Variants in DNAH6 observed in about 807,000 individuals in gnomAD.
DNAH6 encodes the protein dynein axonemal heavy chain 6, also known as axonemal beta dynein heavy chain 6.
A neutral mutation model predicts 491.4 loss-of-function variants in DNAH6; 340 were observed. The ratio of observed to expected loss-of-function variants is 0.69; its 90% CI spans 0.63 to 0.76. DNAH6 has a LOEUF of 0.76. Ranked by LOEUF, DNAH6 falls within the 30% of genes least tolerant of loss-of-function variation. DNAH6 has a pLI of 0.00. For missense variants in DNAH6, 4,443 were observed against 4,972.2 expected, an observed-to-expected ratio of 0.89 and a Z score of 3.20; for synonymous variants, 1,603 against 1,686.1, an observed-to-expected ratio of 0.95 and a Z score of 1.21.
chr2:84,630,046 A>C (rs184690980), intron 29 of DNAH6, among the ~76,000 whole-genome samples: 59 of 152,352 alleles, frequency 3.9e-4, no homozygotes, highest in Admixed American at 2.2e-3. Flanking sequence ...GTTTCCAGGG[A>C]AACAACTTAT....
chr2:84,757,337 C>T (rs1674130121), intron 63 of DNAH6, among the ~76,000 whole-genome samples: 1 of 152,206 alleles, frequency 6.6e-6, no homozygotes, highest in Admixed American at 6.5e-5. Context: ...GTTAAGTCCA[C>T]TGCAAGTGCA....
chr2:84,670,945 C>A (rs1692685375), intron 39 of DNAH6, among the ~76,000 whole-genome samples: 1 of 152,132 alleles, frequency 6.6e-6, no homozygotes, highest in South Asian at 2.1e-4. Context: ...TGGTCACCTT[C>A]AGACATTTGG....
At chr2:84,482,687 G>A in the DNAH6 span, among the ~76,000 whole-genome samples, 3 of 152,230 alleles carry the variant, frequency 2.0e-5, no homozygotes, top group Non-Finnish European at 2.9e-5. Flanking sequence ...TGGGGCAGAC[G>A]TGGTTGTGAC....
chr2:84,592,595 A>G (rs1684217764), intron 16 of DNAH6, among the ~76,000 whole-genome samples: 2 of 152,194 alleles, frequency 1.3e-5, no homozygotes, highest in African/African-American at 4.8e-5. Flanking sequence ...TATATCCCAA[A>G]TAATTGAATC....
At chr2:84,591,447 A>T (rs1684105080) in intron 16 of DNAH6, among the ~76,000 whole-genome samples, 1 of 152,190 alleles carries the variant, frequency 6.6e-6, no homozygotes, top group Admixed American at 6.5e-5. Context: ...CTATGATGAA[A>T]GAAATGAAAT....
chr2:84,574,128 A>T (rs1467100654), intron 12 of DNAH6, among the ~76,000 whole-genome samples: 3 of 152,204 alleles, frequency 2.0e-5, no homozygotes, highest in African/African-American at 7.2e-5. Context: ...TCAGAAAATT[A>T]TAAAAAATAA....
At chr2:84,607,449 T>C (rs1211802290) in intron 21 of DNAH6, among the ~76,000 whole-genome samples, 1 of 151,936 alleles carries the variant, frequency 6.6e-6, no homozygotes, top group Admixed American at 6.6e-5. Context: ...CACATGGACA[T>C]AAAGATAGAC....
Position 84,659,143 on chromosome 2 carries a change from C to A in DNAH6, c.6058C>A (p.Gln2020Lys). The A allele has an allele frequency of 6.7e-7, 1 of 1,492,264 alleles. No homozygotes were observed. The highest frequency in any genetic ancestry group is 9.0e-7 in the Non-Finnish European group (1 of 1,107,020). The allele number at this position is 1,492,264 out of a possible 1,614,324, so 92.4% of individuals were successfully genotyped here. A position where few individuals can be genotyped will look rare whatever the true frequency, so the allele number is the denominator to read the frequency against. ...YDSFDTFIRT[Q>K]FDDNPDARLP... ...TTCTTTTGATACATTTATTAGAACA[C>A]AATTTGATGATAATCCTGATGCCAG... The change falls in exon 37 of 77, where the codon CAA becomes AAA. Residue 2020 changes from glutamine to lysine, a missense_variant. By Grantham distance (53) the Gln-to-Lys change is moderately conservative (BLOSUM62 1). Coordinates refer to ENST00000389394, the MANE Select transcript of DNAH6 (RefSeq NM_001370.2).
chr2:84,736,014 C>T (rs908021069), intron 62 of DNAH6, among the ~76,000 whole-genome samples: 4 of 151,534 alleles, frequency 2.6e-5, no homozygotes, highest in African/African-American at 7.3e-5. Flanking sequence ...TTTTCTTCAA[C>T]CTTGAGTTAA....
intron 39 of DNAH6, 95 bp from the exon 40 acceptor site, chr2:84,672,232 G>T (rs1005243004): frequency 7.9e-7 from 1 of 1,261,714 alleles, no homozygotes; most frequent in East Asian, 2.5e-5. Context: ...ATGACCTGTA[G>T]GATGTCATTG....
chr2:84,596,165 A>G (rs1684558548), intron 18 of DNAH6, among the ~76,000 whole-genome samples: 1 of 152,144 alleles, frequency 6.6e-6, no homozygotes, highest in Non-Finnish European at 1.5e-5. Context: ...CAACTATGCC[A>G]TTTTCCAGAT....
chr2:84,606,910 A>G, intron 20 of DNAH6, 66 bp from the exon 21 acceptor site: 1 of 1,485,524 alleles, frequency 6.7e-7, no homozygotes, highest in Non-Finnish European at 9.2e-7. Flanking sequence ...GGGATTATGT[A>G]TCTGAAATAT....
At chr2:84,679,464 A>G (rs1693566355) in intron 41 of DNAH6, among the ~76,000 whole-genome samples, 1 of 152,258 alleles carries the variant, frequency 6.6e-6, no homozygotes, top group Non-Finnish European at 1.5e-5. Flanking sequence ...AACCAGGTAA[A>G]TTAAATTTAA....
Position 84,625,026 on chromosome 2 carries a change from G to C in DNAH6, c.4478G>C (p.Cys1493Ser). 1 of 1,551,414 alleles carries C rather than the reference G, an allele frequency of 6.4e-7. No individual in the cohort carries two copies. The highest frequency in any genetic ancestry group is 8.7e-7 in the Non-Finnish European group (1 of 1,146,842). ...CTGGCAAAAGCTCTTGCCATCCAGT[G>C]TGTGGTCTTTAACTGTTCAGATGGT... is the stretch of plus-strand genomic sequence containing the variant. Reference protein sequence around the residue: ...KDLAKALAIQCVVFNCSDGLD... With the variant: ...KDLAKALAIQSVVFNCSDGLD... The change falls in exon 29 of 77, where the codon TGT (cysteine) becomes TCT (serine). Residue 1493 changes from cysteine (C) to serine (S), a missense_variant. By Grantham distance (112) the Cys-to-Ser change is moderately radical (BLOSUM62 -1). This residue lies in a region of DNAH6 where 2,977 missense variants were observed against 3,296.6 expected (regional missense o/e 0.90). Transcript: ENST00000389394.
chr2:84,742,379 TGGCTA>T (rs1672609169), intron 62 of DNAH6, among the ~76,000 whole-genome samples: 1 of 152,230 alleles, frequency 6.6e-6, no homozygotes, highest in Admixed American at 6.5e-5. Context: ...ATATTTATTA[TGGCTA>T]TTGATTTATT....
chr2:84,811,988 T>C (rs1474940789), intron 72 of DNAH6, among the ~76,000 whole-genome samples: 2 of 152,206 alleles, frequency 1.3e-5, no homozygotes, highest in African/African-American at 4.8e-5. Context: ...CCTCACACTC[T>C]GTGCTTCCCA....
rs1467183844 is a variant in DNAH6, at chr2:84,784,934, G to T, written c.10953+124G>T. 6 of 658,224 alleles carry T rather than the reference G, an allele frequency of 9.1e-6. No homozygotes were observed. The East Asian group carries it at 1.1e-4, about 12-fold the overall frequency. 40.8% of individuals were successfully genotyped at this position (658,224 alleles called of 1,614,324 possible). ...AGGTCTGTGTGGCCAGCATGGGGAG[G>T]TGAAGTCAGTATCTTTTCACCTATA... On this transcript the variant is annotated intron_variant, in intron 66 of 76. Coordinates refer to ENST00000389394, the MANE Select transcript of DNAH6 (RefSeq NM_001370.2).
chr2:84,726,985 T>A (rs1323932238), intron 60 of DNAH6, among the ~76,000 whole-genome samples: 6 of 152,122 alleles, frequency 3.9e-5, no homozygotes, highest in African/African-American at 1.4e-4. Context: ...GAAATCTCCT[T>A]TAAAATCACA....
intron 70 of DNAH6, among the ~76,000 whole-genome samples, chr2:84,803,586 T>TA (rs905735682): frequency 1.6e-4 from 25 of 151,576 alleles, no homozygotes; most frequent in Admixed American, 9.2e-4. Context: ...TCAAAAATGT[T>TA]AAAAAAACAT....
Sources: gnomAD v4.1 joint callset for allele counts (sites outside exome capture counted in the v4.1 genomes callset) on GRCh38, gnomAD v4.1.1 for gene constraint, gnomAD v4.1.1 regional missense constraint, MANE v1.5 for transcripts, NCBI Gene and HGNC (gene_info 2026-07-23, HGNC 2026-07-21) for gene names.